Variants in PABIR3 observed in about 807,000 individuals in gnomAD.
PABIR3 encodes the protein PABIR family member 3, also known as PABIR family member 1.
A neutral mutation model predicts 23.1 loss-of-function variants in PABIR3; 20 were observed. The observed-to-expected ratio is 0.86, with a 90% confidence interval of 0.61 to 1.26. The LOEUF is 1.26. Ranked by LOEUF, PABIR3 falls within the 50% of genes most tolerant of loss-of-function variation. PABIR3 has a pLI of 0.00. For synonymous variants in PABIR3, 69 were observed against 68.5 expected, an observed-to-expected ratio of 1.01 and a Z score of -0.04; for missense variants, 189 against 195.4, an observed-to-expected ratio of 0.97 and a Z score of 0.20.
At chrX:134,825,610 T>G (rs1249231967) in intron 3 of PABIR3, among the ~76,000 whole-genome samples, 1 of 111,330 alleles carries the variant, frequency 9.0e-6, no homozygotes, top group African/African-American at 3.3e-5. Flanking sequence ...TGGAACATGA[T>G]TAGTACAGGC....
At chrX:134,822,476 T>C (rs764773179) in intron 3 of PABIR3, 2 of 750,843 alleles carry the variant, frequency 2.7e-6, no homozygotes, top group Non-Finnish European at 1.6e-6. Context: ...GTTCAAATCC[T>C]ACCTACCTCA....
At chrX:134,815,721 C>G (rs1291700900) in intron 3 of PABIR3, among the ~76,000 whole-genome samples, 1 of 108,231 alleles carries the variant, frequency 9.2e-6, no homozygotes, top group Non-Finnish European at 1.9e-5. Context: ...ACTTTGTCAC[C>G]CAGGCTGGAG....
At chrX:134,808,705 CAG>C (rs1179612648) in intron 2 of PABIR3, among the ~76,000 whole-genome samples, 2 of 111,884 alleles carry the variant, frequency 1.8e-5, no homozygotes, top group Non-Finnish European at 3.8e-5. Context: ...TTAGTAGAGA[CAG>C]GGTTTCACCA....
chrX:134,836,635 C>T (rs1293467639), intron 4 of PABIR3, among the ~76,000 whole-genome samples: 2 of 111,132 alleles, frequency 1.8e-5, no homozygotes, highest in South Asian at 3.8e-4. Flanking sequence ...TGAAGGACAG[C>T]GGTCATATTG....
chrX:134,834,385 G>T (rs1374328751), intron 4 of PABIR3, among the ~76,000 whole-genome samples: 3 of 111,765 alleles, frequency 2.7e-5, no homozygotes, highest in Admixed American at 9.6e-5. Flanking sequence ...TCTTGTTTCA[G>T]TTCCTTGTAG....
intron 3 of PABIR3, among the ~76,000 whole-genome samples, chrX:134,816,089 T>A (rs1472573300): frequency 8.9e-6 from 1 of 112,493 alleles, no homozygotes; most frequent in Non-Finnish European, 1.9e-5. Flanking sequence ...ATATGGTATA[T>A]TACATTGATT....
chrX:134,799,603 C>A (rs955154153), intron 1 of PABIR3, among the ~76,000 whole-genome samples: 1 of 112,204 alleles, frequency 8.9e-6, no homozygotes, highest in African/African-American at 3.2e-5. Context: ...GGCTTTCTGA[C>A]TTGTCCTAAA....
chrX:134,838,647 TCCCCCTCCCCCTCCCCCCTCC>T (rs2082060952), intron 4 of PABIR3: 2 of 3,465 alleles, frequency 5.8e-4, no homozygotes, highest in African/African-American at 4.4e-3. Context: ...CCTCTCCCTC[TCCCCCTCCCCCTCCCCCCTCC>T]CCCCCTCCCC....
rs1420643829 is a variant in PABIR3, at chrX:134,822,285, C to G, written c.190-6941C>G. 4 of 751,136 alleles carry G rather than the reference C, an allele frequency of 5.3e-6. No homozygotes were observed. In the African/African-American group the frequency reaches 9.2e-5, roughly 17 times the overall value. The allele number at this position is 751,136 out of a possible 1,213,427, so 61.9% of individuals were successfully genotyped here. On this transcript the variant is annotated intron_variant, in intron 3 of 10. Transcript: ENST00000645433. Reference sequence around the variant, plus strand: ...ACTTTGTTTCATGTGGAAAAATTATCTAAGGTAATTCCTTTGCAAACGCCA... The same window carrying G: ...ACTTTGTTTCATGTGGAAAAATTATGTAAGGTAATTCCTTTGCAAACGCCA...
chrX:134,813,490 T>C (rs1235192113), intron 2 of PABIR3, among the ~76,000 whole-genome samples: 1 of 112,106 alleles, frequency 8.9e-6, no homozygotes. Flanking sequence ...TGGCAGTTGA[T>C]TGGATATAGG....
chrX:134,802,761 G>A (rs1461227052), upstream of PABIR3, among the ~76,000 whole-genome samples: 1 of 112,921 alleles, frequency 8.9e-6, no homozygotes, highest in Non-Finnish European at 1.9e-5. Context: ...GTTCACACCC[G>A]CTGGCCTTGA....
downstream of PABIR3, among the ~76,000 whole-genome samples, chrX:134,858,081 A>G (rs1277309203): frequency 8.9e-6 from 1 of 111,894 alleles, no homozygotes; most frequent in African/African-American, 3.2e-5. Flanking sequence ...TAGGATATAA[A>G]GATAATACTG....
At chrX:134,844,301 A>G (rs777183608) in intron 4 of PABIR3, 2 of 111,304 alleles carry the variant, frequency 1.8e-5, no homozygotes, top group East Asian at 5.7e-4. Flanking sequence ...ATCTTTTCAA[A>G]GACTGCTTTG....
chrX:134,830,835 G>C (rs1027564482), intron 4 of PABIR3, among the ~76,000 whole-genome samples: 11 of 111,196 alleles, frequency 9.9e-5, no homozygotes, highest in Non-Finnish European at 1.9e-4. Flanking sequence ...GGTGAAGCTT[G>C]ATATAAATCC....
chrX:134,861,673 CAAAAA>C, the PABIR3 span, among the ~76,000 whole-genome samples: 1 of 30,950 alleles, frequency 3.2e-5, no homozygotes, highest in Admixed American at 4.4e-4. Context: ...GACTCCGCCT[CAAAAA>C]AAAAAAAAAA....
At chrX:134,851,354 G>A (rs2082625989) in intron 9 of PABIR3, among the ~76,000 whole-genome samples, 1 of 110,461 alleles carries the variant, frequency 9.1e-6, no homozygotes. Flanking sequence ...TGGCCAACAT[G>A]ACAAAACCCT....
chrX:134,830,325 C>CTTTTTTT (rs766717674), intron 4 of PABIR3, among the ~76,000 whole-genome samples: 8 of 62,524 alleles, frequency 1.3e-4, no homozygotes, highest in African/African-American at 1.4e-4. Context: ...GGTTTTTTTC[C>CTTTTTTT]TTTTTTTTTT....
intron 3 of PABIR3, chrX:134,822,282 TATCTA>T: frequency 4.0e-6 from 3 of 752,568 alleles, no homozygotes; most frequent in Non-Finnish European, 4.7e-6. Flanking sequence ...GTGGAAAAAT[TATCTA>T]AGGTAATTCC....
At chrX:134,809,793 G>A (rs779653547) in intron 2 of PABIR3, 6 of 752,770 alleles carry the variant, frequency 8.0e-6, no homozygotes, top group Non-Finnish European at 9.4e-6. Context: ...TACTGTTCTG[G>A]CCACTACTAA....
Sources: gnomAD v4.1 joint callset for allele counts (sites outside exome capture counted in the v4.1 genomes callset) on GRCh38, gnomAD v4.1.1 for gene constraint, MANE v1.5 for transcripts, NCBI Gene and HGNC (gene_info 2026-07-23, HGNC 2026-07-21) for gene names.